CRTAM: variants seen among roughly 807,000 people sequenced by gnomAD.
The protein encoded by CRTAM is cytotoxic and regulatory T cell molecule, also known as cytotoxic and regulatory T-cell molecule.
CRTAM carries 44 observed loss-of-function variants against 50.0 expected under a neutral mutation model. That is an observed-to-expected ratio of 0.88 (90% CI 0.69 to 1.13). The LOEUF is 1.13. CRTAM is among the 50% of genes most tolerant of loss of function. CRTAM has a pLI of 0.00. For synonymous variants in CRTAM, 159 were observed against 169.3 expected (o/e 0.94, Z 0.47); for missense variants, 448 against 457.5 (o/e 0.98, Z 0.19).
intron 9 of CRTAM, 121 bp from the exon 10 acceptor site, chr11:122,871,148 T>C (rs567291383): frequency 4.4e-5 from 41 of 934,032 alleles, no homozygotes; most frequent in Non-Finnish European, 6.1e-5. Flanking sequence ...ATCAGTAAGT[T>C]TTAGGTTTTT....
chr11:122,869,311 C>T (rs1837271870), intron 9 of CRTAM, among the ~76,000 whole-genome samples: 1 of 152,142 alleles, frequency 6.6e-6, no homozygotes, highest in South Asian at 2.1e-4. Flanking sequence ...CTACAATACT[C>T]CTTTAGGTGG....
intron 9 of CRTAM, among the ~76,000 whole-genome samples, chr11:122,869,872 C>A (rs937138099): frequency 6.6e-6 from 1 of 152,076 alleles, no homozygotes; most frequent in South Asian, 2.1e-4. Flanking sequence ...AAATAACATC[C>A]AAGTCGATTG....
rs187086721 is a variant in CRTAM, at chr11:122,855,582, G to A, written c.491-113G>A. 3.9e-3 allele frequency: 3,359 copies of A among 857,026 alleles called. 14 individuals are homozygous for A. The highest frequency in any genetic ancestry group is 5.1e-3 in the Non-Finnish European group (2,768 of 546,248). 53.1% of individuals were successfully genotyped at this position (857,026 alleles called of 1,614,324 possible). ...TATACAAGGGAACTGGCTGAGGTTA[G>A]AATGAGGTTAGAAATCTAATGTTTG... is the stretch of plus-strand genomic sequence containing the variant. On this transcript the variant is annotated intron_variant, in intron 4 of 9. Transcript: ENST00000227348.
intron 5 of CRTAM, among the ~76,000 whole-genome samples, chr11:122,860,564 G>C (rs1486568410): frequency 2.0e-5 from 3 of 152,088 alleles, no homozygotes; most frequent in Non-Finnish European, 2.9e-5. Flanking sequence ...AGTAAATACA[G>C]AGTCTAGTTT....
intron 9 of CRTAM, 125 bp from the exon 10 acceptor site, chr11:122,871,140 CAGTA>C (rs1862247169): frequency 1.2e-6 from 1 of 831,836 alleles, no homozygotes; most frequent in South Asian, 1.9e-5. Context: ...TTATATGCAT[CAGTA>C]AGTTTTAGGT....
intron 2 of CRTAM, among the ~76,000 whole-genome samples, chr11:122,851,476 ACT>A (rs1480619672): frequency 2.0e-5 from 3 of 151,972 alleles, no homozygotes; most frequent in African/African-American, 7.2e-5. Context: ...GAGAAGAGGG[ACT>A]CTCTCGGATT....
At chr11:122,840,412 C>G (rs1305883032) in intron 1 of CRTAM, among the ~76,000 whole-genome samples, 1 of 151,456 alleles carries the variant, frequency 6.6e-6, no homozygotes, top group African/African-American at 2.4e-5. Flanking sequence ...CATGAAACTT[C>G]TAATTAACGT....
chr11:122,867,354 CA>C (rs57365669), intron 7 of CRTAM, 54 bp from the exon 8 acceptor site: 158,890 of 1,095,228 alleles, frequency 0.15, 147 homozygotes, highest in Non-Finnish European at 0.15. Flanking sequence ...TCTCCAGTGG[CA>C]AAAAAAAAAA....
At chr11:122,862,600 G>T (rs2135249068) in intron 6 of CRTAM, 56 bp downstream of exon 6, 4 of 1,120,264 alleles carry the variant, frequency 3.6e-6, no homozygotes, top group East Asian at 4.7e-5. Flanking sequence ...CCTTGGGAAG[G>T]TTATTTTTCT....
chr11:122,862,053 C>T (rs1862092153), intron 5 of CRTAM, among the ~76,000 whole-genome samples: 1 of 152,168 alleles, frequency 6.6e-6, no homozygotes, highest in Non-Finnish European at 1.5e-5. Flanking sequence ...TCTTGTCCAA[C>T]TCATTCAGGA....
chr11:122,870,771 T>C (rs1473749760), intron 9 of CRTAM, among the ~76,000 whole-genome samples: 1 of 152,230 alleles, frequency 6.6e-6, no homozygotes, highest in Non-Finnish European at 1.5e-5. Flanking sequence ...GTTTATATAG[T>C]AAGACTTCTT....
At chr11:122,864,586 A>T (rs772554507) in intron 6 of CRTAM, 50 bp from the exon 7 acceptor site, 5 of 1,303,468 alleles carry the variant, frequency 3.8e-6, no homozygotes, top group Non-Finnish European at 5.5e-6. Flanking sequence ...GTATGTAGTC[A>T]CATGTATATA....
chr11:122,839,357 G>A (rs909752068), intron 1 of CRTAM, among the ~76,000 whole-genome samples: 5 of 152,122 alleles, frequency 3.3e-5, no homozygotes, highest in African/African-American at 9.7e-5. Context: ...AAACTCCCTG[G>A]ATTGTTAGAA....
At chr11:122,861,989 G>T (rs77800844) in intron 5 of CRTAM, among the ~76,000 whole-genome samples, 1,943 of 152,130 alleles carry the variant, frequency 0.013, 50 homozygotes, top group African/African-American at 0.045. Flanking sequence ...AGAGGTAAAT[G>T]CTGTCAGTAT....
rs373083406 is a variant in CRTAM at position 122,850,287 on chromosome 11, G to A, written c.193+73G>A. ...GGTTTTTCCAGCCGGACAGTTTGGTGGGACAGAAAGCCTGCATGAGTCACC... is the reference window on the plus strand; with the variant it reads ...GGTTTTTCCAGCCGGACAGTTTGGTAGGACAGAAAGCCTGCATGAGTCACC... On this transcript the variant is annotated intron_variant, in intron 2 of 9. Transcript: ENST00000227348. 4.3e-4 allele frequency: 625 copies of A among 1,448,096 alleles called. 1 individual carries two copies. In the African/African-American group the frequency reaches 7.8e-3, roughly 18 times the overall value. 89.7% of individuals were successfully genotyped at this position (1,448,096 alleles called of 1,614,324 possible).
At chr11:122,853,009 T>C (rs1339545954) in intron 3 of CRTAM, among the ~76,000 whole-genome samples, 1 of 151,188 alleles carries the variant, frequency 6.6e-6, no homozygotes, top group East Asian at 1.9e-4. Flanking sequence ...AACTAAAAAG[T>C]ATTTCCAAGA....
In CRTAM at chr11:122,855,870, A is replaced by G. The variant is rs774030099; in HGVS notation, c.652+14A>G. The stretch of plus-strand genomic sequence containing the variant: ...TTGAAGATTTGGGTAAGAAGAACTA[A>G]TGATTCTCTTGAATAATTTTTGATT... On this transcript the variant is annotated intron_variant, in intron 5 of 9. Transcript: ENST00000227348. 3 of 1,603,350 alleles carry G rather than the reference A, an allele frequency of 1.9e-6. No homozygotes were observed. The Admixed American group carries it at 5.1e-5, about 27-fold the overall frequency.
rs571882451 is a variant in CRTAM at position 122,865,325 on chromosome 11, G to A, written c.817+606G>A. Among the ~76,000 whole-genome samples, 18 of 152,216 alleles carry A rather than the reference G, an allele frequency of 1.2e-4. 1 individual carries two copies. Among genetic ancestry groups the A allele is most frequent in the African/African-American group, 3.1e-4 (13 of 41,550 alleles). Reference sequence around the variant, plus strand: ...GCTGGGATTACAGGCGTGAGCCACCGCGCCCGGCTGTTCTTCCCTTATTTT... The same window carrying A: ...GCTGGGATTACAGGCGTGAGCCACCACGCCCGGCTGTTCTTCCCTTATTTT... On this transcript the variant is annotated intron_variant, in intron 7 of 9. Coordinates refer to ENST00000227348, the MANE Select transcript of CRTAM (RefSeq NM_019604.4).
intron 5 of CRTAM, among the ~76,000 whole-genome samples, chr11:122,860,648 G>A: frequency 6.6e-6 from 1 of 152,122 alleles, no homozygotes; most frequent in Non-Finnish European, 1.5e-5. Flanking sequence ...TACTATGTTA[G>A]AAGATTTAAA....
Sources: gnomAD v4.1 joint callset for allele counts (sites outside exome capture counted in the v4.1 genomes callset) on GRCh38, gnomAD v4.1.1 for gene constraint, MANE v1.5 for transcripts, NCBI Gene and HGNC (gene_info 2026-07-23, HGNC 2026-07-21) for gene names.